Variants in NUDCD3 observed in about 807,000 individuals in gnomAD.
NUDCD3 encodes nudC domain-containing protein 3.
NUDCD3 carries 13 observed loss-of-function variants against 39.7 expected under a neutral mutation model. The observed-to-expected ratio is 0.33, with a 90% CI of 0.21 to 0.52. The LOEUF (loss-of-function observed/expected upper bound fraction) is 0.52. Ranked by LOEUF, NUDCD3 falls within the 20% of genes least tolerant of loss-of-function variation. The pLI is 0.96. For synonymous variants in NUDCD3, 175 were observed against 172.4 expected (o/e 1.02, Z -0.12); for missense variants, 453 against 458.1 (o/e 0.99, Z 0.10).
chr7:44,456,043 A>C (rs868717770), intron 2 of NUDCD3, among the ~76,000 whole-genome samples: 87 of 137,934 alleles, frequency 6.3e-4, no homozygotes, highest in African/African-American at 1.2e-3. Flanking sequence ...AAAAAAAAAA[A>C]AAAAAAACAA....
intron 2 of NUDCD3, among the ~76,000 whole-genome samples, chr7:44,465,492 A>G (rs954371395): frequency 6.6e-6 from 1 of 152,228 alleles, no homozygotes; most frequent in Non-Finnish European, 1.5e-5. Flanking sequence ...TGGGACATTA[A>G]TCGTGGAGGC....
At chr7:44,480,568 C>T (rs556753938) in intron 2 of NUDCD3, among the ~76,000 whole-genome samples, 6 of 152,248 alleles carry the variant, frequency 3.9e-5, no homozygotes, top group East Asian at 1.9e-4. Context: ...AGTCAGCCCT[C>T]GCTATCCATG....
At chr7:44,411,959 A>G (rs1296159206) in intron 3 of NUDCD3, among the ~76,000 whole-genome samples, 1 of 152,250 alleles carries the variant, frequency 6.6e-6, no homozygotes, top group Non-Finnish European at 1.5e-5. Flanking sequence ...CTCAGATGCC[A>G]GCAAAGGACA....
intron 2 of NUDCD3, among the ~76,000 whole-genome samples, chr7:44,434,180 C>T (rs1250258647): frequency 3.3e-5 from 5 of 152,128 alleles, no homozygotes; most frequent in South Asian, 2.1e-4. Flanking sequence ...CCTGAGAGCT[C>T]GTCCACTCAT....
At chr7:44,489,061 C>G (rs1169824486) in intron 1 of NUDCD3, among the ~76,000 whole-genome samples, 1 of 152,184 alleles carries the variant, frequency 6.6e-6, no homozygotes, top group Non-Finnish European at 1.5e-5. Flanking sequence ...GGTTAAACAA[C>G]AGAACAGGAA....
At chr7:44,490,050 C>G in intron 1 of NUDCD3, 1 of 195,270 alleles carries the variant, frequency 5.1e-6, no homozygotes, top group South Asian at 1.1e-4. Flanking sequence ...TTTGGTAGTT[C>G]TGGGGCATGC....
At chr7:44,440,341 T>C (rs1362224932) in intron 2 of NUDCD3, among the ~76,000 whole-genome samples, 1 of 152,074 alleles carries the variant, frequency 6.6e-6, no homozygotes, top group Non-Finnish European at 1.5e-5. Context: ...ATACCTGGCC[T>C]CTTCAAAAGT....
chr7:44,412,949 A>AG (rs1347630763), intron 3 of NUDCD3, among the ~76,000 whole-genome samples: 2 of 151,158 alleles, frequency 1.3e-5, no homozygotes, highest in South Asian at 2.1e-4. Flanking sequence ...AAAAGAAAAA[A>AG]AAAAAGAAAG....
intron 5 of NUDCD3, among the ~76,000 whole-genome samples, chr7:44,390,563 G>T (rs1436580176): frequency 6.6e-6 from 1 of 152,100 alleles, no homozygotes; most frequent in Non-Finnish European, 1.5e-5. Context: ...ACTTCTAAGG[G>T]GTACATGGTA....
chr7:44,458,606 T>G (rs1799945615), intron 2 of NUDCD3, among the ~76,000 whole-genome samples: 1 of 149,956 alleles, frequency 6.7e-6, no homozygotes, highest in Non-Finnish European at 1.5e-5. Flanking sequence ...TGCAGTGAGC[T>G]GAGATTGTGA....
intron 5 of NUDCD3, 51 bp from the exon 6 acceptor site, chr7:44,386,172 T>C: frequency 6.3e-7 from 1 of 1,594,234 alleles, no homozygotes; most frequent in Non-Finnish European, 8.6e-7. Flanking sequence ...CACTGTGTAC[T>C]TTCTCCCAGA....
chr7:44,439,851 T>C (rs1291200259), intron 2 of NUDCD3, among the ~76,000 whole-genome samples: 3 of 151,990 alleles, frequency 2.0e-5, no homozygotes, highest in South Asian at 2.1e-4. Flanking sequence ...AAATAGGAAA[T>C]TGCCATTAAA....
intron 2 of NUDCD3, chr7:44,467,910 G>C: frequency 6.2e-7 from 1 of 1,606,066 alleles, no homozygotes; most frequent in Non-Finnish European, 8.5e-7. Flanking sequence ...GCCGCCCTCA[G>C]ACCCCTTGTG....
chr7:44,451,420 T>C (rs564345309), intron 2 of NUDCD3, among the ~76,000 whole-genome samples: 1 of 152,324 alleles, frequency 6.6e-6, no homozygotes, highest in African/African-American at 2.4e-5. Flanking sequence ...GCGATGATGG[T>C]TGCATGACAA....
At chr7:44,393,473 T>G (rs1401058230) in intron 4 of NUDCD3, among the ~76,000 whole-genome samples, 1 of 152,170 alleles carries the variant, frequency 6.6e-6, no homozygotes, top group Non-Finnish European at 1.5e-5. Flanking sequence ...TTATCAGTGG[T>G]CATACAGACA....
chr7:44,440,549 AT>A (rs34679411), intron 2 of NUDCD3, among the ~76,000 whole-genome samples: 17,597 of 140,638 alleles, frequency 0.13, 1,387 homozygotes, highest in Non-Finnish European at 0.19. Context: ...TTGACACAGG[AT>A]TTTTTTTTTT....
Position 44,490,648 on chromosome 7 carries a change from A to G in NUDCD3, c.-48T>C, listed in dbSNP as rs538114910. The G allele has an allele frequency of 6.6e-6, 10 of 1,522,746 alleles. No individual in the cohort carries two copies. In the East Asian group the frequency reaches 1.0e-4, roughly 15 times the overall value. 94.3% of individuals were successfully genotyped at this position (1,522,746 alleles called of 1,614,324 possible). A position where few individuals can be genotyped will look rare whatever the true frequency, so the allele number is the denominator to read the frequency against. ...CTTCACACACACAGCGCCGCCTCAG[A>G]CCTGCCGACTGGCCACTTCCGGCGT... On this transcript the variant is annotated 5_prime_UTR_variant, in exon 1 of 6. Transcript: ENST00000355451.
Position 44,467,925 on chromosome 7 carries a change from C to T in NUDCD3, c.509+17043G>A, listed in dbSNP as rs181332269. ...GCCGCCCTCAGACCCCTTGTGAAGCCCAAGATCGTCAAAAAGAGAACCAAG... is the reference window on the plus strand; with the variant it reads ...GCCGCCCTCAGACCCCTTGTGAAGCTCAAGATCGTCAAAAAGAGAACCAAG... On this transcript the variant is annotated intron_variant, in intron 2 of 5. Transcript: ENST00000355451. 305 of 1,607,908 alleles carry T rather than the reference C, an allele frequency of 1.9e-4. No individual in the cohort carries two copies. In the East Asian group the frequency reaches 4.5e-3, roughly 24 times the overall value.
In NUDCD3 at chr7:44,471,663, G is replaced by C. The variant is rs183665952; in HGVS notation, c.509+13305C>G. The stretch of plus-strand genomic sequence containing the variant: ...TTACAGCCACCACTCATAGGATAGA[G>C]AACACAGAATCACCTACTCAGGGAC... On this transcript the variant is annotated intron_variant, in intron 2 of 5. Transcript: ENST00000355451. 8.5e-5 allele frequency: 13 copies of C among 152,402 alleles called. No homozygotes were observed. In the East Asian group the frequency reaches 1.7e-3, roughly 20 times the overall value. The allele number at this position is 152,402 out of a possible 1,614,324, so 9.4% of individuals were successfully genotyped here.
Sources: gnomAD v4.1 joint callset for allele counts (sites outside exome capture counted in the v4.1 genomes callset) on GRCh38, gnomAD v4.1.1 for gene constraint, MANE v1.5 for transcripts, NCBI Gene and HGNC (gene_info 2026-07-23, HGNC 2026-07-21) for gene names.